Variants in PHACTR1 observed in about 807,000 individuals in gnomAD.
The protein encoded by PHACTR1 is phosphatase and actin regulator 1.
A neutral mutation model predicts 69.2 loss-of-function variants in PHACTR1; 16 were observed. The observed-to-expected ratio is 0.23, with a 90% CI of 0.16 to 0.35. PHACTR1 has a LOEUF of 0.35. Ranked by LOEUF, PHACTR1 falls within the 10% of genes least tolerant of loss-of-function variation. PHACTR1 has a pLI of 1.00. For missense variants in PHACTR1, 510 were observed against 734.7 expected, an observed-to-expected ratio of 0.69 and a Z score of 3.54; for synonymous variants, 312 against 284.5, an observed-to-expected ratio of 1.10 and a Z score of -0.97.
Position 13,284,543 on chromosome 6 carries a change from AATATATATAT to A in PHACTR1, c.1650+999_1650+1008del, listed in dbSNP as rs3037749. Among the ~76,000 whole-genome samples, 242 of 61,282 alleles carry A rather than the reference AATATATATAT, an allele frequency of 3.9e-3. 2 individuals carry two copies. Among genetic ancestry groups the A allele is most frequent in the South Asian group, 6.4e-3 (11 of 1,726 alleles). 40.2% of individuals were successfully genotyped at this position (61,282 alleles called of 152,430 possible). ...AAAAAAAAAAAAAAAAAAAAAAAAA[AATATATATAT>A]ATATATATATATATATAGATACACG... On this transcript the variant is annotated intron_variant, in intron 13 of 14. Coordinates refer to ENST00000332995, the MANE Select transcript of PHACTR1 (RefSeq NM_030948.6).
chr6:13,231,086 A>AGGGAAAAGAAAGAAG (rs369662349), intron 10 of PHACTR1, among the ~76,000 whole-genome samples: 1 of 40,478 alleles, frequency 2.5e-5, no homozygotes, highest in Non-Finnish European at 4.4e-5. Context: ...GAAGGAAGGA[A>AGGGAAAAGAAAGAAG]GAAGGAAGGA....
intron 4 of PHACTR1, among the ~76,000 whole-genome samples, chr6:13,046,547 T>C (rs1291119672): frequency 6.6e-6 from 1 of 152,106 alleles, no homozygotes; most frequent in Non-Finnish European, 1.5e-5. Flanking sequence ...TTAACATGAG[T>C]ACTCTCTCAG....
At chr6:12,783,153 T>C (rs1771044260) in intron 4 of PHACTR1, among the ~76,000 whole-genome samples, 1 of 152,180 alleles carries the variant, frequency 6.6e-6, no homozygotes, top group Non-Finnish European at 1.5e-5. Flanking sequence ...ACTTGCTTAA[T>C]GTCAGAACCC....
At chr6:12,809,031 C>T (rs2127691530) in intron 4 of PHACTR1, among the ~76,000 whole-genome samples, 1 of 152,084 alleles carries the variant, frequency 6.6e-6, no homozygotes, top group East Asian at 1.9e-4. Context: ...TCATGTGCCA[C>T]CACTCCCAGC....
At chr6:12,745,886 G>A (rs938288850) in intron 3 of PHACTR1, among the ~76,000 whole-genome samples, 2 of 152,136 alleles carry the variant, frequency 1.3e-5, no homozygotes, top group African/African-American at 4.8e-5. Context: ...CTTGGGTGGG[G>A]TAGTAGTACT....
chr6:12,958,314 C>A (rs1446042199), intron 4 of PHACTR1, among the ~76,000 whole-genome samples: 1 of 152,220 alleles, frequency 6.6e-6, no homozygotes, highest in African/African-American at 2.4e-5. Context: ...TGGAGACTTG[C>A]TGGGAGTCCT....
In PHACTR1 at chr6:13,039,663, C is replaced by T. The variant is rs116412744; in HGVS notation, c.251-13702C>T. ...TCTGACTTGCAACATAACAAGGATG[C>T]CAGACCAAGGTCCCTTGTGGTGACT... On this transcript the variant is annotated intron_variant, in intron 4 of 14. Coordinates refer to ENST00000332995, the MANE Select transcript of PHACTR1 (RefSeq NM_030948.6). Among the ~76,000 whole-genome samples, 437 of 152,274 alleles carry T rather than the reference C, an allele frequency of 2.9e-3. 2 individuals are homozygous for T. Among genetic ancestry groups the T allele is most frequent in the African/African-American group, 0.01 (420 of 41,560 alleles).
chr6:13,227,895 C>A lies in PHACTR1; in HGVS notation c.1066C>A (p.Pro356Thr). 6.2e-7 allele frequency: 1 copy of A among 1,613,970 alleles called. No homozygotes were observed. Among genetic ancestry groups the A allele is most frequent in the Non-Finnish European group, 8.5e-7 (1 of 1,179,900 alleles). ...HSGDGVTKAG[P>T]MGLPEIRQVP... Reference sequence around the variant, plus strand: ...GGGTGATGGGGTCACCAAAGCAGGACCTATGGGCCTTCCAGAAATAAGACA... The same window carrying A: ...GGGTGATGGGGTCACCAAAGCAGGAACTATGGGCCTTCCAGAAATAAGACA... The change falls in exon 9 of 15, where the codon CCT (proline) becomes ACT (threonine). Residue 356 changes from proline (P) to threonine (T), a missense_variant. By Grantham distance (38) the Pro-to-Thr change is conservative. This residue lies in a region of PHACTR1 where 419 missense variants were observed against 530.9 expected (regional missense o/e 0.79). Coordinates refer to ENST00000332995, the MANE Select transcript of PHACTR1 (RefSeq NM_030948.6).
intron 3 of PHACTR1, among the ~76,000 whole-genome samples, chr6:12,726,503 G>T (rs1392787738): frequency 6.6e-6 from 1 of 152,040 alleles, no homozygotes; most frequent in South Asian, 2.1e-4. Flanking sequence ...TCCCACTCAC[G>T]CTTCTAACCA....
At chr6:12,970,369 C>A (rs912136712) in intron 4 of PHACTR1, among the ~76,000 whole-genome samples, 1 of 152,212 alleles carries the variant, frequency 6.6e-6, no homozygotes, top group South Asian at 2.1e-4. Flanking sequence ...CAGATGGATG[C>A]AGACCCAATT....
At chr6:12,967,278 G>T (rs1017778497) in intron 4 of PHACTR1, among the ~76,000 whole-genome samples, 1 of 152,200 alleles carries the variant, frequency 6.6e-6, no homozygotes, top group Non-Finnish European at 1.5e-5. Flanking sequence ...TGTCCAAGGA[G>T]GTGAGCATTC....
intron 4 of PHACTR1, among the ~76,000 whole-genome samples, chr6:12,810,457 C>T (rs1434853811): frequency 6.6e-6 from 1 of 152,170 alleles, no homozygotes; most frequent in African/African-American, 2.4e-5. Context: ...GTGTGAAGCT[C>T]TTCAGGTTTC....
chr6:13,204,060 C>G (rs954035453), intron 7 of PHACTR1, among the ~76,000 whole-genome samples: 2 of 152,062 alleles, frequency 1.3e-5, no homozygotes, highest in Non-Finnish European at 2.9e-5. Flanking sequence ...AGATTCTGCT[C>G]CAGCTTTTCA....
At chr6:12,876,125 C>T (rs758941860) in intron 4 of PHACTR1, among the ~76,000 whole-genome samples, 6 of 152,164 alleles carry the variant, frequency 3.9e-5, no homozygotes, top group African/African-American at 1.2e-4. Context: ...CGTAGCCCAT[C>T]GAACACCTTT....
intron 4 of PHACTR1, among the ~76,000 whole-genome samples, chr6:13,040,474 A>T (rs1406830965): frequency 1.3e-5 from 2 of 152,232 alleles, no homozygotes; most frequent in Admixed American, 6.5e-5. Context: ...AATGCAGGAA[A>T]ACATATTTGA....
At chr6:12,768,323 A>C (rs1301382336) in intron 4 of PHACTR1, among the ~76,000 whole-genome samples, 3 of 151,816 alleles carry the variant, frequency 2.0e-5, no homozygotes, top group Non-Finnish European at 4.4e-5. Context: ...ACCGTGTTAG[A>C]CAGGATGCTC....
intron 7 of PHACTR1, among the ~76,000 whole-genome samples, chr6:13,195,033 A>T (rs982352551): frequency 6.6e-6 from 1 of 152,182 alleles, no homozygotes; most frequent in East Asian, 1.9e-4. Context: ...TTCTCTCAAC[A>T]TCATCCCTCT....
chr6:12,901,252 A>G (rs538621044), intron 4 of PHACTR1, among the ~76,000 whole-genome samples: 2 of 152,272 alleles, frequency 1.3e-5, no homozygotes, highest in African/African-American at 2.4e-5. Context: ...GGTACCAAAA[A>G]CATTACTACA....
At chr6:12,978,174 C>T (rs1351366554) in intron 4 of PHACTR1, among the ~76,000 whole-genome samples, 2 of 152,164 alleles carry the variant, frequency 1.3e-5, no homozygotes, top group African/African-American at 4.8e-5. Flanking sequence ...CCCCTGAGTA[C>T]CATCCACTCT....
Sources: gnomAD v4.1 joint callset for allele counts (sites outside exome capture counted in the v4.1 genomes callset) on GRCh38, gnomAD v4.1.1 for gene constraint, gnomAD v4.1.1 regional missense constraint, MANE v1.5 for transcripts, NCBI Gene and HGNC (gene_info 2026-07-23, HGNC 2026-07-21) for gene names.